UBR4: variants seen among roughly 807,000 people sequenced by gnomAD.
The protein encoded by UBR4 is E3 ubiquitin-protein ligase UBR4.
UBR4 carries 124 observed loss-of-function variants against 575.6 expected under a neutral mutation model. That is an observed-to-expected ratio of 0.22 (90% CI 0.19 to 0.25). The LOEUF (loss-of-function observed/expected upper bound fraction) is 0.25. Ranked by LOEUF, UBR4 falls within the 10% of genes least tolerant of loss-of-function variation. The pLI, the probability that UBR4 is intolerant of heterozygous loss-of-function variation, is 1.00. For missense variants in UBR4, 4,818 were observed against 6,478.8 expected, an observed-to-expected ratio of 0.74 and a Z score of 8.80; for synonymous variants, 2,455 against 2,473.7, an observed-to-expected ratio of 0.99 and a Z score of 0.22.
chr1:19,097,138 G>T, intron 91 of UBR4, 55 bp downstream of exon 91: 1 of 1,490,200 alleles, frequency 6.7e-7, no homozygotes, highest in South Asian at 1.3e-5. Flanking sequence ...GTCCTGGGAC[G>T]TGAGCCGCTC....
At chr1:19,105,555 C>T (rs1331124307) in intron 84 of UBR4, among the ~76,000 whole-genome samples, 178 bp downstream of exon 84, 1 of 152,214 alleles carries the variant, frequency 6.6e-6, no homozygotes, top group East Asian at 1.9e-4. Flanking sequence ...AACACCCTCA[C>T]CACAACGACC....
intron 44 of UBR4, 67 bp downstream of exon 44, chr1:19,154,851 G>A: frequency 6.3e-7 from 1 of 1,596,662 alleles, no homozygotes; most frequent in Non-Finnish European, 8.6e-7. Context: ...ATAGCAGATA[G>A]TGGGAGTGGA....
chr1:19,080,929 C>T (rs948877548), intron 103 of UBR4: 5 of 166,876 alleles, frequency 3.0e-5, no homozygotes, highest in Admixed American at 5.6e-5. Context: ...AGGAATGTAA[C>T]CAAGAAGAGA....
chr1:19,088,576 G>A lies in UBR4; in HGVS notation c.14430+183C>T, dbSNP rs75848595. Among the ~76,000 whole-genome samples, 144 of 152,264 alleles carry A rather than the reference G, an allele frequency of 9.5e-4. No individual in the cohort carries two copies. Among genetic ancestry groups the A allele is most frequent in the African/African-American group, 3.2e-3 (134 of 41,530 alleles). On this transcript the variant is annotated intron_variant, in intron 98 of 105. Transcript: ENST00000375254. The surrounding 1 kb of genome is among the most constrained non-coding windows in gnomAD (Gnocchi z 4.0). ...GTAAACTTCGTAAGTCACTTACTCCGAGTCTCATCTGTATGATAGAACGAT... is the reference window on the plus strand; with the variant it reads ...GTAAACTTCGTAAGTCACTTACTCCAAGTCTCATCTGTATGATAGAACGAT...
At position 19,169,466 on chromosome 1, in the gene UBR4, T is replaced by C. The variant is rs771630814; in HGVS notation, c.3710A>G (p.Asn1237Ser). Residue 1237 changes from asparagine to serine, a missense_variant, in exon 27 of 106, where the codon AAT becomes AGT. By Grantham distance (46) the Asn-to-Ser change is conservative (BLOSUM62 1). Around this residue, in one of 29 missense-constraint regions of UBR4, gnomAD observed 1,172 missense variants for 1,259.7 expected, o/e 0.93. Transcript: ENST00000375254. ...TCCAATATTGGGAAATTCATTGGTA[T>C]TGATGTTGTTCCAGGACTCACACAC... is the stretch of plus-strand genomic sequence containing the variant. ...QTVCESWNNI[N>S]TNEFPNIGSW... 3.1e-6 allele frequency: 5 copies of C among 1,613,970 alleles called. No individual in the cohort carries two copies. The highest frequency in any genetic ancestry group is 4.2e-6 in the Non-Finnish European group (5 of 1,179,954).
chr1:19,081,955 G>A, intron 102 of UBR4: 1 of 594,230 alleles, frequency 1.7e-6, no homozygotes, highest in South Asian at 2.1e-5. Flanking sequence ...CCCAAAGTCA[G>A]CAAGCTAGTG....
At chr1:19,124,496 T>C (rs1313240963) in intron 65 of UBR4, 45 bp downstream of exon 65, 1 of 1,607,770 alleles carries the variant, frequency 6.2e-7, no homozygotes, top group Non-Finnish European at 8.5e-7. Context: ...TGAATGCAGA[T>C]GTGTCCTCAG....
chr1:19,121,102 A>C (rs2081122477), intron 68 of UBR4, 87 bp downstream of exon 68: 1 of 1,525,232 alleles, frequency 6.6e-7, no homozygotes. Context: ...CAGGATTAAA[A>C]GACCTTTTAC....
intron 39 of UBR4, among the ~76,000 whole-genome samples, chr1:19,158,326 C>G (rs1000114568): frequency 2.6e-5 from 4 of 152,206 alleles, no homozygotes; most frequent in African/African-American, 9.7e-5. Flanking sequence ...AAATCAGCAA[C>G]TTTATGGGCC....
chr1:19,188,030 TTAAATAAATAAA>T (rs34415262), intron 11 of UBR4, among the ~76,000 whole-genome samples: 53 of 141,002 alleles, frequency 3.8e-4, no homozygotes, highest in Admixed American at 1.4e-3. Flanking sequence ...AAACAAAAAA[TTAAATAAATAAA>T]TAAATAAATA....
intron 55 of UBR4, among the ~76,000 whole-genome samples, chr1:19,143,313 A>G (rs2084346653): frequency 7.1e-6 from 1 of 140,900 alleles, no homozygotes; most frequent in African/African-American, 2.6e-5. Context: ...AAAGAAAGAA[A>G]GAAAGAAAAT....
At chr1:19,185,327 T>A in intron 14 of UBR4, 41 bp from the exon 15 acceptor site, 1 of 1,501,554 alleles carries the variant, frequency 6.7e-7, no homozygotes, top group South Asian at 1.4e-5. Flanking sequence ...AAATATTTTT[T>A]AAAAGTGTTT....
Position 19,172,949 on chromosome 1 carries a change from T to C in UBR4, c.3436A>G (p.Thr1146Ala). ...ATCTCAGACGACTTATGAGGATCAG[T>C]CTCAGCAGCCATCTTAGAAAAATGC... ...DEHFSKMAAE[T>A]DPHKSSEITK... is the part of the protein sequence containing the mutation. Residue 1146 changes from threonine to alanine, a missense_variant, in exon 25 of 106, where the codon ACT (threonine) becomes GCT (alanine). Thr to Ala is a moderately conservative substitution (Grantham distance 58, BLOSUM62 0). Around this residue, in one of 29 missense-constraint regions of UBR4, gnomAD observed 1,172 missense variants for 1,259.7 expected, o/e 0.93. Coordinates refer to ENST00000375254, the MANE Select transcript of UBR4 (RefSeq NM_020765.3). 6.2e-7 allele frequency: 1 copy of C among 1,614,126 alleles called. No homozygotes were observed. Among genetic ancestry groups the C allele is most frequent in the Non-Finnish European group, 8.5e-7 (1 of 1,180,014 alleles).
Position 19,190,312 on chromosome 1 carries a change from A to AAAAAAAAAAATATATATAT in UBR4, c.1394+1875_1394+1876insATATATATATTTTTTTTTT. On this transcript the variant is annotated intron_variant, in intron 11 of 105. Coordinates refer to ENST00000375254, the MANE Select transcript of UBR4 (RefSeq NM_020765.3). ...TGCCTCAAAAAAAAAAAAAAAAAAA[A>AAAAAAAAAAATATATATAT]ATATATATATATATATATTTGTATG... Among the ~76,000 whole-genome samples the AAAAAAAAAAATATATATAT allele has an allele frequency of 2.4e-3, 191 of 79,752 alleles. 3 individuals carry two copies. The highest frequency in any genetic ancestry group is 6.4e-3 in the East Asian group (11 of 1,720). 52.3% of individuals were successfully genotyped at this position (79,752 alleles called of 152,430 possible). A position where few individuals can be genotyped will look rare whatever the true frequency, so the allele number is the denominator to read the frequency against.
At chr1:19,087,327 G>A in intron 99 of UBR4, among the ~76,000 whole-genome samples, 1 of 152,234 alleles carries the variant, frequency 6.6e-6, no homozygotes, top group Admixed American at 6.5e-5. Context: ...CAGGTCACTG[G>A]CTGCTCTGCT....
intron 83 of UBR4, 36 bp downstream of exon 83, chr1:19,106,533 G>A: frequency 6.6e-7 from 1 of 1,517,042 alleles, no homozygotes; most frequent in Non-Finnish European, 8.8e-7. Flanking sequence ...GGGGTCAGGG[G>A]CGCAGGGGGT....
chr1:19,074,765 A>T lies in UBR4; in HGVS notation c.*67T>A. 6.4e-7 allele frequency: 1 copy of T among 1,559,856 alleles called. No individual in the cohort carries two copies. Among genetic ancestry groups the T allele is most frequent in the South Asian group, 1.1e-5 (1 of 88,086 alleles). On this transcript the variant is annotated 3_prime_UTR_variant, in exon 106 of 106. Coordinates refer to ENST00000375254, the MANE Select transcript of UBR4 (RefSeq NM_020765.3). ...TCCCGCGGAGGGAACTTAATGCACAAGGAGGGAGAACAGAGGGTGGAAGGC... is the reference window on the plus strand; with the variant it reads ...TCCCGCGGAGGGAACTTAATGCACATGGAGGGAGAACAGAGGGTGGAAGGC...
At chr1:19,099,958 T>G in intron 89 of UBR4, 1 of 462,784 alleles carries the variant, frequency 2.2e-6, no homozygotes, top group Non-Finnish European at 3.8e-6. Flanking sequence ...GAAAAGGCTT[T>G]TCACTATGTA....
In UBR4 at chr1:19,186,607, G is replaced by A. The variant is rs372095685; in HGVS notation, c.1683C>T (p.Ser561=). 1.1e-5 allele frequency: 18 copies of A among 1,613,958 alleles called. No homozygotes were observed. Among genetic ancestry groups the A allele is most frequent in the Non-Finnish European group, 1.5e-5 (18 of 1,179,992 alleles). The stretch of plus-strand genomic sequence containing the variant: ...AGTAAGTATTGGAGTCGGTGGAGGC[G>A]CTGGCATCGCTGCTCATGGAGCCCT... ...QRKGSMSSDA[S]ASTDSNTYYE... Residue 561 remains serine (S), a synonymous_variant, in exon 14 of 106, where the codon AGC becomes AGT. Transcript: ENST00000375254.
Sources: allele counts gnomAD v4.1 joint callset (sites outside exome capture counted in the v4.1 genomes callset), GRCh38; gene constraint gnomAD v4.1.1; regional missense constraint gnomAD v4.1.1; non-coding constraint Gnocchi (gnomAD v3.1); transcripts MANE v1.5; gene names NCBI Gene and HGNC (gene_info 2026-07-23, HGNC 2026-07-21).